The following UST variants were observed in gnomAD, a reference collection of about 807,000 sequenced individuals.
UST encodes the protein chondroitin sulfate 2-O-sulfotransferase.
Under a neutral mutation model 45.6 loss-of-function variants are expected in UST, and 21 were observed. The observed-to-expected ratio is 0.46, with a 90% CI of 0.33 to 0.66. UST has a LOEUF of 0.66. Among genes scored for constraint, UST ranks in the 30% least tolerant of loss-of-function variants. The pLI is 0.02. For synonymous variants in UST, 215 were observed against 200.6 expected, an observed-to-expected ratio of 1.07 and a Z score of -0.61; for missense variants, 463 against 512.4, an observed-to-expected ratio of 0.90 and a Z score of 0.93.
intron 5 of UST, among the ~76,000 whole-genome samples, chr6:149,007,470 T>A (rs1246876736): frequency 6.6e-6 from 1 of 150,850 alleles, no homozygotes; most frequent in African/African-American, 2.4e-5. Context: ...TGTATTTTTT[T>A]TTTTTTTTTT....
chr6:148,817,395 T>G (rs918143396), intron 1 of UST, among the ~76,000 whole-genome samples: 10 of 152,218 alleles, frequency 6.6e-5, no homozygotes, highest in Non-Finnish European at 1.0e-4. Context: ...CAAATATGAG[T>G]GACCATGGCC....
At chr6:149,049,167 A>C (rs1257971878) in intron 7 of UST, among the ~76,000 whole-genome samples, 2 of 152,320 alleles carry the variant, frequency 1.3e-5, no homozygotes, top group African/African-American at 4.8e-5. Context: ...ACCCATTTCA[A>C]TGCTAGAAAA....
At chr6:149,011,286 A>G (rs1775806977) in intron 5 of UST, among the ~76,000 whole-genome samples, 1 of 152,158 alleles carries the variant, frequency 6.6e-6, no homozygotes, top group African/African-American at 2.4e-5. Context: ...ATGGAGATAG[A>G]GTAGAAGATT....
intron 5 of UST, among the ~76,000 whole-genome samples, chr6:148,975,387 G>A (rs1487880582): frequency 1.3e-5 from 2 of 152,112 alleles, no homozygotes; most frequent in South Asian, 2.1e-4. Flanking sequence ...GAGCTCCAAC[G>A]ATGTTTGCCT....
intron 7 of UST, among the ~76,000 whole-genome samples, chr6:149,066,550 AT>A (rs1776732142): frequency 6.6e-6 from 1 of 152,116 alleles, no homozygotes; most frequent in African/African-American, 2.4e-5. Context: ...TTGGGGAAAC[AT>A]TAGATCCCAT....
chr6:148,981,478 G>A (rs750032685), intron 5 of UST, among the ~76,000 whole-genome samples: 6 of 152,172 alleles, frequency 3.9e-5, no homozygotes, highest in Non-Finnish European at 7.3e-5. Context: ...CTCCTGAAGG[G>A]CAGGTGCCAT....
chr6:148,881,483 T>C (rs1342543059), intron 1 of UST, among the ~76,000 whole-genome samples: 2 of 152,192 alleles, frequency 1.3e-5, no homozygotes, highest in Admixed American at 1.3e-4. Context: ...AAAATAAGAA[T>C]GTCCTGCCTG....
chr6:148,930,577 G>A (rs1334489821), intron 2 of UST, among the ~76,000 whole-genome samples: 3 of 152,148 alleles, frequency 2.0e-5, no homozygotes, highest in Non-Finnish European at 4.4e-5. Context: ...TTCATACGAT[G>A]GTGGAAAACC....
chr6:148,964,282 C>A, intron 4 of UST, 128 bp from the exon 5 acceptor site: 1 of 1,124,964 alleles, frequency 8.9e-7, no homozygotes, highest in Non-Finnish European at 1.3e-6. Flanking sequence ...TATTACGTGT[C>A]ATTGGCACCT....
intron 2 of UST, among the ~76,000 whole-genome samples, chr6:148,902,162 C>G (rs1292888189): frequency 6.6e-6 from 1 of 152,098 alleles, no homozygotes; most frequent in East Asian, 1.9e-4. Flanking sequence ...GTTTCATGTA[C>G]CATTCCAGAT....
At chr6:148,903,549 G>A (rs1277568853) in intron 2 of UST, among the ~76,000 whole-genome samples, 1 of 152,158 alleles carries the variant, frequency 6.6e-6, no homozygotes. Context: ...AGGAACATGT[G>A]CTGAATTAGT....
intron 1 of UST, among the ~76,000 whole-genome samples, chr6:148,759,675 CG>C (rs1405048720): frequency 1.3e-5 from 2 of 150,922 alleles, no homozygotes; most frequent in African/African-American, 4.9e-5. Flanking sequence ...GGTGAAACCC[CG>C]TCTGTACTAA....
intron 1 of UST, among the ~76,000 whole-genome samples, chr6:148,834,459 G>T (rs1386272110): frequency 6.6e-6 from 1 of 152,164 alleles, no homozygotes; most frequent in Non-Finnish European, 1.5e-5. Context: ...CTGAGGCTGG[G>T]CACAGTTGCT....
Position 148,778,787 on chromosome 6 carries a change from G to A in UST, c.247+31110G>A, listed in dbSNP as rs1456830563. Among the ~76,000 whole-genome samples the A allele has an allele frequency of 5.9e-5, 9 of 152,176 alleles. No individual in the cohort carries two copies. In the South Asian group the frequency reaches 8.3e-4, roughly 14 times the overall value. On this transcript the variant is annotated intron_variant, in intron 1 of 7. Transcript: ENST00000367463. Reference sequence around the variant, plus strand: ...TGAAACTCCAGGCCTGGGGCAACTTGCCGAGGGTTATAAAGCCATTACATG... The same window carrying A: ...TGAAACTCCAGGCCTGGGGCAACTTACCGAGGGTTATAAAGCCATTACATG...
At chr6:148,953,235 C>G (rs1218433428) in intron 3 of UST, among the ~76,000 whole-genome samples, 1 of 152,150 alleles carries the variant, frequency 6.6e-6, no homozygotes, top group Non-Finnish European at 1.5e-5. Flanking sequence ...AATGACTAAC[C>G]TCCTTCCTTG....
chr6:148,782,365 G>T (rs1776658536), intron 1 of UST, among the ~76,000 whole-genome samples: 1 of 152,172 alleles, frequency 6.6e-6, no homozygotes, highest in South Asian at 2.1e-4. Flanking sequence ...AATAGCGAGA[G>T]AACTAAAATT....
At chr6:148,783,208 TA>T (rs1171300155) in intron 1 of UST, among the ~76,000 whole-genome samples, 15 of 152,366 alleles carry the variant, frequency 9.8e-5, no homozygotes, top group African/African-American at 3.4e-4. Flanking sequence ...GTATATACAT[TA>T]TTTTTAGATA....
At chr6:149,049,923 T>TCACACACACACACACACA (rs1165179256) in intron 7 of UST, among the ~76,000 whole-genome samples, 37 of 102,974 alleles carry the variant, frequency 3.6e-4, no homozygotes, top group African/African-American at 1.2e-3. Flanking sequence ...TCTCTCTCTC[T>TCACACACACACACACACA]CTCTCTCTCA....
At chr6:148,776,319 T>C (rs944902573) in intron 1 of UST, among the ~76,000 whole-genome samples, 3 of 152,180 alleles carry the variant, frequency 2.0e-5, no homozygotes, top group Non-Finnish European at 4.4e-5. Context: ...AATATGACCA[T>C]TAGCTTACAT....
Sources: allele counts gnomAD v4.1 joint callset (sites outside exome capture counted in the v4.1 genomes callset), GRCh38; gene constraint gnomAD v4.1.1; transcripts MANE v1.5; gene names NCBI Gene and HGNC (gene_info 2026-07-23, HGNC 2026-07-21).